The following INPP4B variants were observed in gnomAD, a reference collection of about 807,000 sequenced individuals.
The protein encoded by INPP4B is inositol polyphosphate-4-phosphatase type II B.
Under a neutral mutation model 122.5 loss-of-function variants are expected in INPP4B, and 55 were observed. The ratio of observed to expected loss-of-function variants is 0.45; its 90% CI spans 0.36 to 0.56. INPP4B has a LOEUF of 0.56. Ranked by LOEUF, INPP4B falls within the 20% of genes least tolerant of loss-of-function variation. The probability of loss-of-function intolerance (pLI) is 0.00; values close to 1 mark genes in which losing one functional copy is unlikely to be tolerated. For synonymous variants in INPP4B, 403 were observed against 388.7 expected (o/e 1.04, Z -0.43); for missense variants, 1,000 against 1,097.7 (o/e 0.91, Z 1.26).
intron 1 of INPP4B, among the ~76,000 whole-genome samples, chr4:142,767,420 A>T (rs1772321958): frequency 6.6e-6 from 1 of 152,092 alleles, no homozygotes; most frequent in Non-Finnish European, 1.5e-5. Flanking sequence ...TCTGTTATAA[A>T]CCTCATTGAG....
At chr4:142,142,507 A>G (rs1321226335) in intron 18 of INPP4B, among the ~76,000 whole-genome samples, 1 of 152,076 alleles carries the variant, frequency 6.6e-6, no homozygotes, top group Non-Finnish European at 1.5e-5. Context: ...AAATTGGCTG[A>G]ACCTGGAGCT....
intron 1 of INPP4B, among the ~76,000 whole-genome samples, chr4:142,762,781 T>C (rs1771539894): frequency 6.6e-6 from 1 of 152,172 alleles, no homozygotes. Context: ...AGCAGCTAAC[T>C]GTGTCACTGC....
At chr4:142,621,568 A>C (rs968339518) in intron 2 of INPP4B, among the ~76,000 whole-genome samples, 2 of 151,944 alleles carry the variant, frequency 1.3e-5, no homozygotes, top group African/African-American at 4.8e-5. Context: ...TGATTGTAAG[A>C]GTTACTCAGT....
rs1270555425 is a variant in INPP4B, at chr4:142,112,679, T to C, written c.2139A>G (p.Glu713=). 2 of 1,607,510 alleles carry C rather than the reference T, an allele frequency of 1.2e-6. No homozygotes were observed. Among genetic ancestry groups the C allele is most frequent in the African/African-American group, 1.3e-5 (1 of 74,578 alleles). ...DVLPVITGRR[E]HYVVEVKLPA... is the part of the protein sequence containing the mutation. The stretch of plus-strand genomic sequence containing the variant: ...GAAGCTTGACCTCTACCACGTAATG[T>C]TCTCTAAAGAAGGCAGAGGACAAAG... The change falls in exon 22 of 26, where the codon GAA becomes GAG. Residue 713 remains glutamate, a synonymous_variant. Transcript: ENST00000262992.
At position 142,820,452 on chromosome 4, in the gene INPP4B, A is replaced by C. The variant is rs202247006; in HGVS notation, c.-254+25757T>G. Among the ~76,000 whole-genome samples the C allele has an allele frequency of 2.0e-4, 31 of 152,196 alleles. No homozygotes were observed. The East Asian group carries it at 5.6e-3, about 28-fold the overall frequency. On this transcript the variant is annotated intron_variant, in intron 1 of 25. Coordinates refer to ENST00000262992, the MANE Select transcript of INPP4B (RefSeq NM_001101669.3). ...TTCCTCTTCTGCCATGAGTGGAAAC[A>C]GTTGAGGCCCTCACAGCAGATGCTG...
At chr4:142,729,127 C>A (rs570341072) in intron 1 of INPP4B, among the ~76,000 whole-genome samples, 13 of 152,254 alleles carry the variant, frequency 8.5e-5, no homozygotes, top group Admixed American at 2.6e-4. Flanking sequence ...ATGTGCAGCT[C>A]ACAAGAGGGT....
In INPP4B at chr4:142,208,430, A is replaced by G. The variant is rs1379033103; in HGVS notation, c.1067T>C (p.Leu356Ser). Reference protein sequence around the residue: ...LQRMQVHSPHLKDALYDVITV... With the variant: ...LQRMQVHSPHSKDALYDVITV... ...AAAAGAATAATTTATGATACCTTTC[A>G]AGTGAGGGCTGTGTACCTGCATTCT... The change falls in exon 14 of 26, where the codon TTG becomes TCG. Residue 356 changes from leucine (L) to serine (S), a missense_variant. Leu to Ser is a moderately radical substitution (Grantham distance 145, BLOSUM62 -2). Coordinates refer to ENST00000262992, the MANE Select transcript of INPP4B (RefSeq NM_001101669.3). 1.3e-6 allele frequency: 2 copies of G among 1,531,518 alleles called. No homozygotes were observed. Among genetic ancestry groups the G allele is most frequent in the East Asian group, 4.7e-5 (2 of 42,652 alleles). 94.9% of individuals were successfully genotyped at this position (1,531,518 alleles called of 1,614,324 possible). A position where few individuals can be genotyped will look rare whatever the true frequency, so the allele number is the denominator to read the frequency against.
chr4:142,725,325 GAAAATAT>G (rs1765205575), intron 2 of INPP4B, among the ~76,000 whole-genome samples: 1 of 152,022 alleles, frequency 6.6e-6, no homozygotes, highest in East Asian at 1.9e-4. Context: ...TCTTTCCAAA[GAAAATAT>G]GTATTTTGCA....
At chr4:142,055,790 T>C (rs899516567) in intron 25 of INPP4B, among the ~76,000 whole-genome samples, 6 of 152,050 alleles carry the variant, frequency 3.9e-5, no homozygotes, top group Non-Finnish European at 8.8e-5. Flanking sequence ...ACTGGTTTCA[T>C]GGAAGACCAT....
intron 15 of INPP4B, among the ~76,000 whole-genome samples, chr4:142,188,258 C>T (rs1010486613): frequency 2.6e-5 from 4 of 151,578 alleles, no homozygotes; most frequent in East Asian, 1.9e-4. Flanking sequence ...GAGGCTGAGG[C>T]GGGTGGATTA....
chr4:142,226,625 G>T (rs1320892947), intron 12 of INPP4B, among the ~76,000 whole-genome samples: 1 of 152,122 alleles, frequency 6.6e-6, no homozygotes, highest in African/African-American at 2.4e-5. Context: ...CAGATTTTGT[G>T]CGCCTGCAAC....
chr4:142,796,880 G>C (rs1777323452), intron 1 of INPP4B, among the ~76,000 whole-genome samples: 1 of 135,306 alleles, frequency 7.4e-6, no homozygotes, highest in Admixed American at 7.2e-5. Flanking sequence ...GTGTGTGTGT[G>C]TGTGTGTGTG....
intron 9 of INPP4B, among the ~76,000 whole-genome samples, chr4:142,283,466 T>C (rs2150823422): frequency 6.6e-6 from 1 of 152,280 alleles, no homozygotes; most frequent in Non-Finnish European, 1.5e-5. Flanking sequence ...TTCTAAGAAA[T>C]ATGCCATTAG....
At chr4:142,359,134 G>T (rs1282809045) in intron 7 of INPP4B, among the ~76,000 whole-genome samples, 1 of 151,812 alleles carries the variant, frequency 6.6e-6, no homozygotes, top group Non-Finnish European at 1.5e-5. Context: ...CATTGTGACA[G>T]GAAATAACCT....
chr4:142,539,622 G>T (rs1163583900), intron 2 of INPP4B, among the ~76,000 whole-genome samples: 1 of 151,918 alleles, frequency 6.6e-6, no homozygotes, highest in African/African-American at 2.4e-5. Context: ...TTCTTCTGTG[G>T]TTCTCCACGG....
intron 8 of INPP4B, among the ~76,000 whole-genome samples, chr4:142,314,114 CCTGTGGG>C (rs1387896975): frequency 6.6e-6 from 1 of 152,104 alleles, no homozygotes; most frequent in African/African-American, 2.4e-5. Context: ...AGGGATTCAG[CCTGTGGG>C]CTATATCTTT....
intron 11 of INPP4B, among the ~76,000 whole-genome samples, chr4:142,239,013 G>A (rs1224639286): frequency 6.6e-6 from 1 of 152,068 alleles, no homozygotes; most frequent in Non-Finnish European, 1.5e-5. Flanking sequence ...GCAGAAGGCT[G>A]TAAAAAATAC....
chr4:142,368,229 T>G (rs1173581748), intron 7 of INPP4B, among the ~76,000 whole-genome samples: 1 of 152,206 alleles, frequency 6.6e-6, no homozygotes, highest in Non-Finnish European at 1.5e-5. Context: ...ATCATTATAA[T>G]AATAAATGGT....
chr4:142,335,340 C>T (rs543088355), intron 7 of INPP4B, among the ~76,000 whole-genome samples: 25 of 152,212 alleles, frequency 1.6e-4, no homozygotes, highest in African/African-American at 4.3e-4. Context: ...TCTTCTCTAA[C>T]GTCAGTTCTG....
Sources: gnomAD v4.1 joint callset for allele counts (sites outside exome capture counted in the v4.1 genomes callset) on GRCh38, gnomAD v4.1.1 for gene constraint, MANE v1.5 for transcripts, NCBI Gene and HGNC (gene_info 2026-07-23, HGNC 2026-07-21) for gene names.